The following FAM53B variants were observed in gnomAD, a reference collection of about 807,000 sequenced individuals.
FAM53B encodes protein FAM53B.
Under a neutral mutation model 32.7 loss-of-function variants are expected in FAM53B, and 12 were observed. The ratio of observed to expected loss-of-function variants is 0.37; its 90% confidence interval spans 0.24 to 0.59. The LOEUF (loss-of-function observed/expected upper bound fraction) is 0.59. Ranked by LOEUF, FAM53B falls within the 20% of genes least tolerant of loss-of-function variation. The pLI is 0.72. For synonymous variants in FAM53B, 234 were observed against 228.7 expected (o/e 1.02, Z -0.21); for missense variants, 477 against 577.7 (o/e 0.83, Z 1.79).
intron 1 of FAM53B, among the ~76,000 whole-genome samples, chr10:124,732,763 G>A (rs1458859150): frequency 6.6e-6 from 1 of 151,508 alleles, no homozygotes; most frequent in Non-Finnish European, 1.5e-5. Context: ...GGAGGCTGAG[G>A]TTGCACTGAG....
At chr10:124,683,801 C>T (rs781218659) in intron 3 of FAM53B, among the ~76,000 whole-genome samples, 3 of 152,198 alleles carry the variant, frequency 2.0e-5, no homozygotes, top group Non-Finnish European at 4.4e-5. Flanking sequence ...GTGCAGAAAA[C>T]TGAGATTTAA....
intron 1 of FAM53B, among the ~76,000 whole-genome samples, chr10:124,724,900 A>C (rs1424320721): frequency 6.6e-6 from 1 of 152,196 alleles, no homozygotes; most frequent in Non-Finnish European, 1.5e-5. Context: ...GTTTTCGTGG[A>C]TATGAAAGCA....
At chr10:124,639,118 G>T (rs558458364) in intron 4 of FAM53B, among the ~76,000 whole-genome samples, 1 of 152,142 alleles carries the variant, frequency 6.6e-6, no homozygotes, top group East Asian at 1.9e-4. Context: ...TATAAGTCCC[G>T]TCTCTCTAAC....
chr10:124,714,270 T>C (rs1212150833), intron 1 of FAM53B: 5 of 152,086 alleles, frequency 3.3e-5, no homozygotes, highest in African/African-American at 1.2e-4. Flanking sequence ...GGGCCTCTAC[T>C]TTCCCAGACC....
intron 4 of FAM53B, among the ~76,000 whole-genome samples, chr10:124,653,352 G>A (rs1406569159): frequency 6.6e-6 from 1 of 152,240 alleles, no homozygotes; most frequent in Non-Finnish European, 1.5e-5. Context: ...GAGGGTTGGA[G>A]TAAAGCAGGG....
At chr10:124,626,848 G>A (rs919507292) in intron 4 of FAM53B, among the ~76,000 whole-genome samples, 6 of 152,198 alleles carry the variant, frequency 3.9e-5, no homozygotes, top group Non-Finnish European at 7.3e-5. Flanking sequence ...GCATCACGGC[G>A]CCAGGCAACT....
chr10:124,698,260 T>TG (rs1264762878), intron 2 of FAM53B, among the ~76,000 whole-genome samples: 2 of 152,056 alleles, frequency 1.3e-5, no homozygotes, highest in Admixed American at 6.5e-5. Context: ...CACACCAGGA[T>TG]GGGGGCTGGG....
rs376041064 is a variant in FAM53B, at chr10:124,706,631, C to T, written c.78+5G>A. 3.1e-6 allele frequency: 5 copies of T among 1,614,126 alleles called. No individual in the cohort carries two copies. The African/African-American group carries it at 6.7e-5, about 22-fold the overall frequency. The stretch of plus-strand genomic sequence containing the variant: ...TGGAAAGCAGGAAGCCTGCCAGGTC[C>T]TCACCAGTTCACGGCTGAAGGTCCC... On this transcript the variant is annotated splice_donor_5th_base_variant and intron_variant, in intron 2 of 4. Coordinates refer to ENST00000337318, the MANE Select transcript of FAM53B (RefSeq NM_014661.4).
chr10:124,623,171 G>A lies in FAM53B; in HGVS notation c.*71C>T, dbSNP rs569724866. ...CCCACGAGTTGGGCTCCCCTTCAAG[G>A]GCCCACCTAGTGCCCAGAGTGGGGG... On this transcript the variant is annotated 3_prime_UTR_variant, in exon 5 of 5. Transcript: ENST00000337318. 1.1e-4 allele frequency: 166 copies of A among 1,497,736 alleles called. No homozygotes were observed. Among genetic ancestry groups the A allele is most frequent in the Non-Finnish European group, 6.2e-6 (7 of 1,120,704 alleles). The allele number at this position is 1,497,736 out of a possible 1,614,324, so 92.8% of individuals were successfully genotyped here. A position where few individuals can be genotyped will look rare whatever the true frequency, so the allele number is the denominator to read the frequency against.
intron 1 of FAM53B, among the ~76,000 whole-genome samples, chr10:124,729,408 T>A (rs1410223027): frequency 1.3e-5 from 2 of 152,234 alleles, no homozygotes; most frequent in Admixed American, 6.5e-5. Context: ...GAAAAAATTT[T>A]CCACGTACGA....
chr10:124,680,135 A>G (rs1393500307), intron 4 of FAM53B, among the ~76,000 whole-genome samples: 1 of 152,220 alleles, frequency 6.6e-6, no homozygotes, highest in African/African-American at 2.4e-5. Context: ...CTGTCCAGCT[A>G]GTAAAGTCAA....
chr10:124,646,968 C>G (rs899804111), intron 4 of FAM53B, among the ~76,000 whole-genome samples: 1 of 152,196 alleles, frequency 6.6e-6, no homozygotes, highest in African/African-American at 2.4e-5. Context: ...CGGGCCATTC[C>G]TGGGTAGCAA....
At chr10:124,679,090 C>T (rs1040348502) in intron 4 of FAM53B, among the ~76,000 whole-genome samples, 12 of 152,142 alleles carry the variant, frequency 7.9e-5, no homozygotes, top group Non-Finnish European at 1.3e-4. Context: ...CCCCCAAAGG[C>T]GAATGTGTAA....
At chr10:124,644,188 G>C (rs1286865519) in intron 4 of FAM53B, among the ~76,000 whole-genome samples, 2 of 152,174 alleles carry the variant, frequency 1.3e-5, no homozygotes, top group Non-Finnish European at 2.9e-5. Context: ...CTACCGCCTG[G>C]TCACTTGGCC....
chr10:124,649,645 C>T (rs1318798321), intron 4 of FAM53B, among the ~76,000 whole-genome samples: 1 of 152,222 alleles, frequency 6.6e-6, no homozygotes, highest in Non-Finnish European at 1.5e-5. Context: ...AGGCCGCCTT[C>T]CATGCAGAGT....
At chr10:124,653,820 T>C (rs951717037) in intron 4 of FAM53B, among the ~76,000 whole-genome samples, 1 of 152,224 alleles carries the variant, frequency 6.6e-6, no homozygotes, top group African/African-American at 2.4e-5. Flanking sequence ...GGAGTCCATG[T>C]GTGGCCAGGT....
chr10:124,665,535 C>CT (rs1949664484), intron 4 of FAM53B, among the ~76,000 whole-genome samples: 1 of 152,248 alleles, frequency 6.6e-6, no homozygotes, highest in African/African-American at 2.4e-5. Context: ...GCTTCCTACT[C>CT]CTGGCTTCCT....
intron 4 of FAM53B, among the ~76,000 whole-genome samples, chr10:124,662,041 A>C (rs1949634313): frequency 6.6e-6 from 1 of 152,110 alleles, no homozygotes; most frequent in African/African-American, 2.4e-5. Context: ...CCTCACCTCC[A>C]TGACTCTAGC....
At chr10:124,706,963 T>C in intron 1 of FAM53B, 76 bp from the exon 2 acceptor site, 2 of 1,310,444 alleles carry the variant, frequency 1.5e-6, no homozygotes, top group African/African-American at 1.5e-5. Context: ...CCTCCCACAG[T>C]ACTGGAAATC....
Sources: gnomAD v4.1 joint callset for allele counts (sites outside exome capture counted in the v4.1 genomes callset) on GRCh38, gnomAD v4.1.1 for gene constraint, MANE v1.5 for transcripts, NCBI Gene and HGNC (gene_info 2026-07-23, HGNC 2026-07-21) for gene names.